Variants in MCF2 observed in about 807,000 individuals in gnomAD.
The protein encoded by MCF2 is MCF.2 cell line derived transforming sequence.
A neutral mutation model predicts 82.5 loss-of-function variants in MCF2; 44 were observed. The ratio of observed to expected loss-of-function variants is 0.53; its 90% CI spans 0.42 to 0.69. The LOEUF (loss-of-function observed/expected upper bound fraction) is 0.69, where lower values mean the gene tolerates loss of function less well. Among genes scored for constraint, MCF2 ranks in the 30% least tolerant of loss-of-function variants. MCF2 has a pLI of 0.00. For synonymous variants in MCF2, 217 were observed against 224.9 expected, an observed-to-expected ratio of 0.96 and a Z score of 0.32; for missense variants, 623 against 663.1, an observed-to-expected ratio of 0.94 and a Z score of 0.66.
At chrX:139,646,196 T>C (rs1398405221), upstream of MCF2, among the ~76,000 whole-genome samples, 1 of 112,070 alleles carries the variant, frequency 8.9e-6, no homozygotes, top group Non-Finnish European at 1.9e-5. Flanking sequence ...TTGATTTTTG[T>C]TCATGAGACT....
intron 2 of MCF2, among the ~76,000 whole-genome samples, chrX:139,648,527 A>G (rs1185882743): frequency 8.9e-6 from 1 of 112,297 alleles, no homozygotes; most frequent in Non-Finnish European, 1.9e-5. Context: ...TGCTTATTAT[A>G]TGATAGTAAG....
intron 1 of MCF2, among the ~76,000 whole-genome samples, chrX:139,698,100 C>A (rs1308431355): frequency 8.9e-6 from 1 of 111,814 alleles, no homozygotes; most frequent in Non-Finnish European, 1.9e-5. Flanking sequence ...CAGTGAGCCA[C>A]GATTGTGCCA....
intron 1 of MCF2, among the ~76,000 whole-genome samples, chrX:139,635,443 G>A (rs908113905): frequency 9.0e-6 from 1 of 111,191 alleles, no homozygotes; most frequent in African/African-American, 3.3e-5. Context: ...ATTATTTGAG[G>A]CCAGGAGTTC....
At chrX:139,667,650 A>G (rs919073610) in intron 1 of MCF2, among the ~76,000 whole-genome samples, 2 of 111,864 alleles carry the variant, frequency 1.8e-5, no homozygotes, top group African/African-American at 6.5e-5. Context: ...CAGGTCTCCA[A>G]TGGTGAGAGC....
chrX:139,619,597 T>C, exon 7 of MCF2: 1 of 1,145,508 alleles, frequency 8.7e-7, no homozygotes, highest in South Asian at 1.9e-5. Context: ...CTGAGAATTT[T>C]CATCTAAGTT....
intron 1 of MCF2, among the ~76,000 whole-genome samples, chrX:139,696,635 G>C (rs189966556): frequency 9.0e-6 from 1 of 111,017 alleles, no homozygotes; most frequent in Non-Finnish European, 1.9e-5. Context: ...CGCCATGTTG[G>C]CCAGGCTAGT....
exon 25 of MCF2, chrX:139,581,956 A>G (rs955039782): frequency 5.9e-5 from 7 of 118,087 alleles, no homozygotes; most frequent in African/African-American, 2.0e-4. Flanking sequence ...CTGGGCACAT[A>G]CAGACAGTAG....
In MCF2 at chrX:139,593,825, C is replaced by T. The variant is rs934151176; in HGVS notation, c.2277+2724G>A. 2.7e-5 allele frequency among the ~76,000 whole-genome samples: 3 copies of T among 110,511 alleles called. No homozygotes were observed. The Admixed American group carries it at 2.9e-4, about 11-fold the overall frequency. On this transcript the variant is annotated intron_variant, in intron 19 of 24. Transcript: ENST00000370576. The stretch of plus-strand genomic sequence containing the variant: ...AATAGAAATATTATATCTAGAAAAC[C>T]CCATTGTCTCAGCCCAAAATCTCCT...
chrX:139,667,484 TA>T (rs1288387039), intron 1 of MCF2, among the ~76,000 whole-genome samples: 2 of 111,361 alleles, frequency 1.8e-5, no homozygotes, highest in Non-Finnish European at 3.8e-5. Context: ...CATTTGCAGG[TA>T]GGTGTCAGCT....
At chrX:139,680,063 T>C (rs1230248645) in intron 1 of MCF2, among the ~76,000 whole-genome samples, 1 of 112,215 alleles carries the variant, frequency 8.9e-6, no homozygotes, top group East Asian at 2.8e-4. Context: ...ATGAAAATAT[T>C]AAGTGTTTAA....
chrX:139,611,623 C>A (rs1702340839), intron 10 of MCF2, among the ~76,000 whole-genome samples: 1 of 111,689 alleles, frequency 9.0e-6, no homozygotes, highest in Non-Finnish European at 1.9e-5. Context: ...TGATTGAGCA[C>A]CTACACCATA....
chrX:139,636,828 T>A, intron 1 of MCF2, among the ~76,000 whole-genome samples: 1 of 112,051 alleles, frequency 8.9e-6, no homozygotes. Flanking sequence ...GTTGGATGTT[T>A]ATTAAACCTG....
rs752686929 is a variant in MCF2 at position 139,648,437 on chromosome X, C to T, written c.26-1534G>A. Among the ~76,000 whole-genome samples, 6 of 109,895 alleles carry T rather than the reference C, an allele frequency of 5.5e-5. No homozygotes were observed. The East Asian group carries it at 1.1e-3, about 21-fold the overall frequency. ...AAAATGGAATCACAACAATACTCAA[C>T]GCAAAAGAAGACAGAAATGGAGGAA... On this transcript the variant is annotated intron_variant, in intron 2 of 27. Transcript: ENST00000414978.
chrX:139,621,979 A>T (rs1932406593), intron 6 of MCF2, among the ~76,000 whole-genome samples: 1 of 111,712 alleles, frequency 9.0e-6, no homozygotes, highest in Non-Finnish European at 1.9e-5. Flanking sequence ...CAACCTACTC[A>T]TCTGACAAAG....
intron 1 of MCF2, among the ~76,000 whole-genome samples, chrX:139,657,109 A>G (rs956057760): frequency 8.9e-6 from 1 of 112,114 alleles, no homozygotes; most frequent in African/African-American, 3.2e-5. Context: ...TACTGGAGCA[A>G]ATCTTCATTT....
upstream of MCF2, among the ~76,000 whole-genome samples, chrX:139,644,650 T>G (rs1933734839): frequency 1.8e-5 from 2 of 112,520 alleles, no homozygotes; most frequent in Non-Finnish European, 3.8e-5. Flanking sequence ...AACATTGGCT[T>G]GGAAGTCCAA....
At chrX:139,651,642 A>G in intron 2 of MCF2, 78 bp downstream of exon 2, 1 of 555,582 alleles carries the variant, frequency 1.8e-6, no homozygotes, top group Non-Finnish European at 2.9e-6. Flanking sequence ...AGAGCGAGCT[A>G]TTTATATAAT....
At chrX:139,646,866 A>G (rs1933818837), upstream of MCF2, 2 of 1,184,815 alleles carry the variant, frequency 1.7e-6, no homozygotes, top group Non-Finnish European at 2.3e-6. Flanking sequence ...AGTTTTCTGG[A>G]AACGTAATGA....
chrX:139,706,854 A>T (rs1208438683), intron 1 of MCF2, among the ~76,000 whole-genome samples: 1 of 110,486 alleles, frequency 9.1e-6, no homozygotes, highest in Non-Finnish European at 1.9e-5. Flanking sequence ...ACTCTCAAAC[A>T]AAAATAAAGG....
Sources: allele counts gnomAD v4.1 joint callset (sites outside exome capture counted in the v4.1 genomes callset), GRCh38; gene constraint gnomAD v4.1.1; transcripts MANE v1.5; gene names NCBI Gene and HGNC (gene_info 2026-07-23, HGNC 2026-07-21).